Variants in CHD9 observed in about 807,000 individuals in gnomAD.
CHD9 encodes the protein ATP-dependent chromatin remodeler CHD9.
A neutral mutation model predicts 316.1 loss-of-function variants in CHD9; 77 were observed. That is an observed-to-expected ratio of 0.24 (90% CI 0.20 to 0.29). CHD9 has a LOEUF of 0.29. Ranked by LOEUF, CHD9 falls within the 10% of genes least tolerant of loss-of-function variation. CHD9 has a pLI of 1.00. For synonymous variants in CHD9, 1,129 were observed against 1,158.3 expected (o/e 0.97, Z 0.51); for missense variants, 2,763 against 3,438.1 (o/e 0.80, Z 4.91).
At chr16:53,058,348 C>T (rs1273081325) in intron 1 of CHD9, among the ~76,000 whole-genome samples, 1 of 152,042 alleles carries the variant, frequency 6.6e-6, no homozygotes, top group Non-Finnish European at 1.5e-5. Flanking sequence ...CTCGAGCTCC[C>T]GACCTCAGGT....
At position 53,304,500 on chromosome 16, in the gene CHD9, C is replaced by G. The variant is rs772691509; in HGVS notation, c.6494C>G (p.Ser2165Cys). ...SCSHSRSGSS[S>C]SSSSSCSSAS... ...TCCCACTCTCGATCAGGCTCTAGTTCTTCTTCATCTTCATCTTGTTCTTCA... is the reference window on the plus strand; with the variant it reads ...TCCCACTCTCGATCAGGCTCTAGTTGTTCTTCATCTTCATCTTGTTCTTCA... The change falls in exon 31 of 39, where the codon TCT (serine) becomes TGT (cysteine). Residue 2165 changes from serine to cysteine, a missense_variant. Coordinates refer to ENST00000447540, the MANE Select transcript of CHD9 (RefSeq NM_001308319.2). 9 of 1,428,258 alleles carry G rather than the reference C, an allele frequency of 6.3e-6. No homozygotes were observed. The East Asian group carries it at 2.2e-4, about 35-fold the overall frequency. The allele number at this position is 1,428,258 out of a possible 1,614,324, so 88.5% of individuals were successfully genotyped here.
chr16:53,150,413 T>C (rs1266913177), intron 1 of CHD9, among the ~76,000 whole-genome samples: 1 of 152,216 alleles, frequency 6.6e-6, no homozygotes, highest in African/African-American at 2.4e-5. Flanking sequence ...TATATTGTTA[T>C]TATCAAAGAT....
intron 28 of CHD9, 122 bp downstream of exon 28, chr16:53,291,889 A>G (rs1041103757): frequency 7.1e-6 from 4 of 562,296 alleles, no homozygotes; most frequent in Middle Eastern, 8.5e-4. Context: ...ATTGACTGCC[A>G]TTGTAATCGT....
chr16:53,324,165 G>A lies in CHD9; in HGVS notation c.7964G>A (p.Gly2655Asp), dbSNP rs759842077. The A allele has an allele frequency of 6.2e-7, 1 of 1,613,886 alleles. No homozygotes were observed. Among genetic ancestry groups the A allele is most frequent in the Admixed American group, 1.7e-5 (1 of 60,008 alleles). ...GCTGCATCTGCCACCAGTGTTTCAGGCAATCCTTTGTTAGCCAATGGACTA... is the reference window on the plus strand; with the variant it reads ...GCTGCATCTGCCACCAGTGTTTCAGACAATCCTTTGTTAGCCAATGGACTA... ...AAAASATSVS[G>D]NPLLANGLLP... The change falls in exon 39 of 39, where the codon GGC becomes GAC. Residue 2655 changes from glycine (G) to aspartate (D), a missense_variant. Gly to Asp is a moderately conservative substitution (Grantham distance 94). Transcript: ENST00000447540.
chr16:53,307,023 G>A (rs934099799), intron 32 of CHD9, among the ~76,000 whole-genome samples: 3 of 151,918 alleles, frequency 2.0e-5, no homozygotes, highest in Admixed American at 6.6e-5. Context: ...CAAGTGATCC[G>A]CTTGCCTCGG....
chr16:53,276,308 C>A (rs544208057), intron 24 of CHD9, among the ~76,000 whole-genome samples: 1 of 152,284 alleles, frequency 6.6e-6, no homozygotes, highest in African/African-American at 2.4e-5. Context: ...ATCAAGCAAG[C>A]CATGCTGAAT....
chr16:53,265,415 A>C (rs1347643476), intron 20 of CHD9, among the ~76,000 whole-genome samples: 2 of 152,130 alleles, frequency 1.3e-5, no homozygotes, highest in African/African-American at 4.8e-5. Flanking sequence ...AAATTAAATT[A>C]GTTTAAAAAA....
chr16:53,326,006 T>A lies in CHD9; in HGVS notation c.*1111T>A, dbSNP rs966228446. 3 of 152,524 alleles carry A rather than the reference T, an allele frequency of 2.0e-5. No homozygotes were observed. Among genetic ancestry groups the A allele is most frequent in the Non-Finnish European group, 4.4e-5 (3 of 67,932 alleles). 9.4% of individuals were successfully genotyped at this position (152,524 alleles called of 1,614,324 possible). The stretch of plus-strand genomic sequence containing the variant: ...TCAGTGTTGGGTTATCAGTTTATAT[T>A]AAATATACTGAGTTGCCCGTTTTGA... On this transcript the variant is annotated 3_prime_UTR_variant, in exon 39 of 39. Coordinates refer to ENST00000447540, the MANE Select transcript of CHD9 (RefSeq NM_001308319.2).
Position 53,324,497 on chromosome 16 carries a change from G to A in CHD9, c.8296G>A (p.Gly2766Arg). 6.2e-7 allele frequency: 1 copy of A among 1,613,878 alleles called. No individual in the cohort carries two copies. The highest frequency in any genetic ancestry group is 8.5e-7 in the Non-Finnish European group (1 of 1,179,842). ...RTESQSSENG[G>R]ENSVSSSPST... ...AGAGAGCCAAAGTTCAGAGAATGGT[G>A]GAGAAAACTCTGTGTCAAGTTCTCC... is the stretch of plus-strand genomic sequence containing the variant. The change falls in exon 39 of 39, where the codon GGA becomes AGA. Residue 2766 changes from glycine (G) to arginine (R), a missense_variant. Transcript: ENST00000447540.
chr16:53,165,159 G>A (rs1224864340), intron 2 of CHD9, among the ~76,000 whole-genome samples: 4 of 152,182 alleles, frequency 2.6e-5, no homozygotes, highest in Non-Finnish European at 5.9e-5. Context: ...CAGGGAGATG[G>A]AATAGCTTAG....
intron 30 of CHD9, among the ~76,000 whole-genome samples, chr16:53,297,979 G>C (rs1443154774): frequency 1.3e-5 from 2 of 152,172 alleles, no homozygotes; most frequent in African/African-American, 4.8e-5. Context: ...GCAAAATAAT[G>C]TGTCATTTGT....
chr16:53,233,465 A>G (rs2048352905), intron 10 of CHD9, among the ~76,000 whole-genome samples: 1 of 152,142 alleles, frequency 6.6e-6, no homozygotes, highest in Non-Finnish European at 1.5e-5. Flanking sequence ...CCACATGTTC[A>G]GCTCCCTGGA....
intron 12 of CHD9, among the ~76,000 whole-genome samples, chr16:53,241,603 A>G (rs1193139878): frequency 6.6e-6 from 1 of 152,218 alleles, no homozygotes; most frequent in Non-Finnish European, 1.5e-5. Flanking sequence ...GTAAATAACA[A>G]CATGAACTTC....
intron 17 of CHD9, among the ~76,000 whole-genome samples, chr16:53,253,182 CTG>C (rs1024915482): frequency 6.6e-6 from 1 of 151,438 alleles, no homozygotes; most frequent in Non-Finnish European, 1.5e-5. Context: ...GATAAAGAAA[CTG>C]TGGTGGGTAT....
At chr16:53,162,610 A>G (rs1358273562) in intron 2 of CHD9, among the ~76,000 whole-genome samples, 1 of 143,562 alleles carries the variant, frequency 7.0e-6, no homozygotes, top group Non-Finnish European at 1.6e-5. Flanking sequence ...CAGGAAATAG[A>G]ATTTTAAGAT....
chr16:53,192,682 T>C (rs977838930), intron 2 of CHD9, among the ~76,000 whole-genome samples: 2 of 152,214 alleles, frequency 1.3e-5, no homozygotes, highest in African/African-American at 4.8e-5. Context: ...AACCAATGAT[T>C]AATTTTTTTC....
chr16:53,274,633 T>C (rs1006560201), intron 24 of CHD9, among the ~76,000 whole-genome samples: 4 of 152,224 alleles, frequency 2.6e-5, no homozygotes, highest in Non-Finnish European at 5.9e-5. Context: ...TTTTTTTGTA[T>C]TTTTAGTAGA....
chr16:53,277,186 G>T (rs2052928916), intron 24 of CHD9, among the ~76,000 whole-genome samples: 2 of 152,124 alleles, frequency 1.3e-5, no homozygotes, highest in South Asian at 4.1e-4. Context: ...ATTCAAAGAA[G>T]AATTGGTACC....
chr16:53,198,359 G>A (rs977142676), intron 2 of CHD9, among the ~76,000 whole-genome samples: 13 of 127,386 alleles, frequency 1.0e-4, no homozygotes, highest in African/African-American at 3.0e-4. Context: ...TCGCTCTATC[G>A]CCAGGCTAGA....
Sources: allele counts gnomAD v4.1 joint callset (sites outside exome capture counted in the v4.1 genomes callset), GRCh38; gene constraint gnomAD v4.1.1; transcripts MANE v1.5; gene names NCBI Gene and HGNC (gene_info 2026-07-23, HGNC 2026-07-21).